TNFRSF8: variants seen among roughly 807,000 people sequenced by gnomAD.
TNFRSF8 encodes TNF receptor superfamily member 8.
TNFRSF8 carries 26 observed loss-of-function variants against 70.8 expected under a neutral mutation model. The ratio of observed to expected loss-of-function variants is 0.37; its 90% confidence interval spans 0.27 to 0.51. The LOEUF is 0.51. Ranked by LOEUF, TNFRSF8 falls within the 20% of genes least tolerant of loss-of-function variation. The pLI is 0.94. For missense variants in TNFRSF8, 720 were observed against 807.9 expected (o/e 0.89, Z 1.32); for synonymous variants, 356 against 339.2 (o/e 1.05, Z -0.54).
At position 12,138,378 on chromosome 1, in the gene TNFRSF8, G is replaced by A. The variant is rs777110831; in HGVS notation, c.1485G>A (p.Ser495=). ...ATGCCAGCCCGGCCGGGGGCCCCTC[G>A]TCCCCCAGGGACCTTCCTGAGCCCC... ...LQDASPAGGP[S]SPRDLPEPRV... The change falls in exon 14 of 15, where the codon TCG becomes TCA. Residue 495 remains serine, a synonymous_variant. Transcript: ENST00000263932. The surrounding 1 kb of genome is among the most constrained non-coding windows in gnomAD (Gnocchi z 5.7). 10 of 1,613,580 alleles carry A rather than the reference G, an allele frequency of 6.2e-6. No homozygotes were observed. The highest frequency in any genetic ancestry group is 7.6e-6 in the Non-Finnish European group (9 of 1,179,832).
rs1641584109 is a variant in TNFRSF8 at position 12,109,380 on chromosome 1, C to T, written c.422-186C>T. On this transcript the variant is annotated intron_variant, in intron 4 of 14. Transcript: ENST00000263932. The surrounding 1 kb of genome is among the most constrained non-coding windows in gnomAD (Gnocchi z 4.4). ...TGCTGAGATCAGAGGGAGAGTAATT[C>T]CCCAGGGAAAGATAGGCTGCTTTAC... 2.0e-5 allele frequency among the ~76,000 whole-genome samples: 3 copies of T among 152,144 alleles called. No individual in the cohort carries two copies. Among genetic ancestry groups the T allele is most frequent in the Admixed American group, 2.0e-4 (3 of 15,270 alleles).
chr1:12,074,587 C>T (rs1222922228), intron 1 of TNFRSF8, among the ~76,000 whole-genome samples: 1 of 152,066 alleles, frequency 6.6e-6, no homozygotes, highest in Admixed American at 6.5e-5. Context: ...GCCTCAAACT[C>T]ACTTTCTGGC....
intron 2 of TNFRSF8, among the ~76,000 whole-genome samples, chr1:12,084,901 A>G (rs1641126840): frequency 6.6e-6 from 1 of 152,084 alleles, no homozygotes; most frequent in African/African-American, 2.4e-5. Flanking sequence ...ATTACACTCA[A>G]TTTGCAGATG....
Position 12,113,589 on chromosome 1 carries a change from G to A in TNFRSF8, c.793+1575G>A, listed in dbSNP as rs1641670802. Among the ~76,000 whole-genome samples the A allele has an allele frequency of 8.1e-4, 1 of 1,232 alleles. No homozygotes were observed. The highest frequency in any genetic ancestry group is 0.017 in the Admixed American group (1 of 60). 0.8% of individuals were successfully genotyped at this position (1,232 alleles called of 152,430 possible). A position where few individuals can be genotyped will look rare whatever the true frequency, so the allele number is the denominator to read the frequency against. On this transcript the variant is annotated intron_variant, in intron 7 of 14. Coordinates refer to ENST00000263932, the MANE Select transcript of TNFRSF8 (RefSeq NM_001243.5). The surrounding 1 kb of genome is among the most constrained non-coding windows in gnomAD (Gnocchi z 4.9). Reference sequence around the variant, plus strand: ...AGACAGAGAGAAAGAGACAGAATGAGAGGGAGAGAGAGAGTGAGAGAGAGA... The same window carrying A: ...AGACAGAGAGAAAGAGACAGAATGAAAGGGAGAGAGAGAGTGAGAGAGAGA...
intron 10 of TNFRSF8, among the ~76,000 whole-genome samples, chr1:12,124,145 C>T (rs1641886870): frequency 6.6e-6 from 1 of 152,142 alleles, no homozygotes; most frequent in African/African-American, 2.4e-5. Context: ...GCTGGGTTTA[C>T]AGGCGCTTGC....
At chr1:12,085,462 G>A (rs1641138720) in intron 2 of TNFRSF8, among the ~76,000 whole-genome samples, 1 of 152,140 alleles carries the variant, frequency 6.6e-6, no homozygotes, top group Non-Finnish European at 1.5e-5. Flanking sequence ...ATATTGCACA[G>A]GCTGGTCTTG....
chr1:12,118,842 ATTTGTTTT>A (rs1480754817), intron 8 of TNFRSF8, among the ~76,000 whole-genome samples: 1 of 151,854 alleles, frequency 6.6e-6, no homozygotes, highest in African/African-American at 2.4e-5. Context: ...TTCTGGTTGC[ATTTGTTTT>A]TTTGTTTGTT....
chr1:12,112,382 G>A lies in TNFRSF8; in HGVS notation c.793+368G>A, dbSNP rs974474315. Among the ~76,000 whole-genome samples the A allele has an allele frequency of 2.0e-5, 3 of 151,472 alleles. No individual in the cohort carries two copies. Among genetic ancestry groups the A allele is most frequent in the Non-Finnish European group, 2.9e-5 (2 of 67,892 alleles). On this transcript the variant is annotated intron_variant, in intron 7 of 14. Coordinates refer to ENST00000263932, the MANE Select transcript of TNFRSF8 (RefSeq NM_001243.5). This position sits in a 1 kb window ranked among gnomAD's most constrained non-coding sequence, Gnocchi z 5.3. ...TCCACTCCACTCGCTGCCCCTATGA[G>A]CCACTTATTCTTTTTTTTTTTTTCC...
intron 1 of TNFRSF8, among the ~76,000 whole-genome samples, chr1:12,067,156 TC>T (rs1557570008): frequency 6.6e-6 from 1 of 152,258 alleles, no homozygotes; most frequent in East Asian, 1.9e-4. Flanking sequence ...AAAAATTTAT[TC>T]CCCCATAGCT....
At chr1:12,117,156 C>T (rs1440167575) in intron 8 of TNFRSF8, among the ~76,000 whole-genome samples, 1 of 152,024 alleles carries the variant, frequency 6.6e-6, no homozygotes, top group South Asian at 2.1e-4. Flanking sequence ...AATCTCAGCT[C>T]ACTGCAACCT....
chr1:12,119,783 T>C lies in TNFRSF8; in HGVS notation c.947-3501T>C, dbSNP rs1641796360. On this transcript the variant is annotated intron_variant, in intron 8 of 14. Coordinates refer to ENST00000263932, the MANE Select transcript of TNFRSF8 (RefSeq NM_001243.5). This position sits in a 1 kb window ranked among gnomAD's most constrained non-coding sequence, Gnocchi z 4.4. Reference sequence around the variant, plus strand: ...TGACTGGCCGATTCTTGTACAAGTCTTTGGGTGGATGTATATTTTCATTTT... The same window carrying C: ...TGACTGGCCGATTCTTGTACAAGTCCTTGGGTGGATGTATATTTTCATTTT... 6.6e-6 allele frequency among the ~76,000 whole-genome samples: 1 copy of C among 152,040 alleles called. No homozygotes were observed. The highest frequency in any genetic ancestry group is 1.5e-5 in the Non-Finnish European group (1 of 68,008).
chr1:12,071,305 G>A (rs913393930), intron 1 of TNFRSF8, among the ~76,000 whole-genome samples: 46 of 152,044 alleles, frequency 3.0e-4, no homozygotes, highest in African/African-American at 8.9e-4. Flanking sequence ...CAGGTGTGGC[G>A]GTGTGTGCCT....
chr1:12,140,190 C>A (rs1428545197), intron 14 of TNFRSF8, among the ~76,000 whole-genome samples: 2 of 152,206 alleles, frequency 1.3e-5, no homozygotes, highest in African/African-American at 4.8e-5. Flanking sequence ...CTGCCCTCCC[C>A]TGGCATGGCC....
intron 1 of TNFRSF8, among the ~76,000 whole-genome samples, chr1:12,078,221 CAG>C (rs907642263): frequency 6.6e-6 from 1 of 152,026 alleles, no homozygotes; most frequent in Non-Finnish European, 1.5e-5. Context: ...GTTAAACAGA[CAG>C]AACTAGTGAT....
chr1:12,066,263 C>T (rs1640738687), intron 1 of TNFRSF8, among the ~76,000 whole-genome samples: 1 of 151,922 alleles, frequency 6.6e-6, no homozygotes, highest in Non-Finnish European at 1.5e-5. Context: ...CAAGCCTTCT[C>T]CCACTTCTGT....
chr1:12,115,461 T>G, intron 7 of TNFRSF8, 116 bp from the exon 8 acceptor site: 1 of 1,149,484 alleles, frequency 8.7e-7, no homozygotes, highest in Non-Finnish European at 1.3e-6. Flanking sequence ...GACGAGCATT[T>G]ATTTTCTTGT....
rs546901182 is a variant in TNFRSF8, at chr1:12,112,544, C to T, written c.793+530C>T. The stretch of plus-strand genomic sequence containing the variant: ...GGCTGGGACTATAGGTGCACACTAC[C>T]ATGCCTGGCTAATTAAAAAAAATTT... On this transcript the variant is annotated intron_variant, in intron 7 of 14. Transcript: ENST00000263932. The surrounding 1 kb of genome is among the most constrained non-coding windows in gnomAD (Gnocchi z 5.3). 1.1e-4 allele frequency among the ~76,000 whole-genome samples: 16 copies of T among 152,208 alleles called. No individual in the cohort carries two copies. Among genetic ancestry groups the T allele is most frequent in the African/African-American group, 3.9e-4 (16 of 41,532 alleles).
intron 13 of TNFRSF8, among the ~76,000 whole-genome samples, chr1:12,136,526 G>A (rs1355381487): frequency 6.6e-6 from 1 of 151,934 alleles, no homozygotes; most frequent in Non-Finnish European, 1.5e-5. Context: ...GCACACGCCT[G>A]TAGTCCCAGC....
intron 13 of TNFRSF8, among the ~76,000 whole-genome samples, chr1:12,136,384 C>A (rs1478506261): frequency 6.6e-6 from 1 of 152,134 alleles, no homozygotes; most frequent in Non-Finnish European, 1.5e-5. Context: ...TATGATGGCT[C>A]ACACTTAAAA....
Sources: gnomAD v4.1 joint callset for allele counts (sites outside exome capture counted in the v4.1 genomes callset) on GRCh38, gnomAD v4.1.1 for gene constraint, Gnocchi (gnomAD v3.1) non-coding constraint, MANE v1.5 for transcripts, NCBI Gene and HGNC (gene_info 2026-07-23, HGNC 2026-07-21) for gene names.